ALG1L2: variants seen among roughly 807,000 people sequenced by gnomAD.
ALG1L2 encodes putative glycosyltransferase ALG1L2.
ALG1L2 carries 32 observed loss-of-function variants against 29.0 expected under a neutral mutation model. The ratio of observed to expected loss-of-function variants is 1.10; its 90% CI spans 0.83 to 1.48. The LOEUF (loss-of-function observed/expected upper bound fraction) is 1.48, where lower values mean the gene tolerates loss of function less well. ALG1L2 is among the 40% of genes most tolerant of loss of function. The pLI is 0.00. For missense variants in ALG1L2, 318 were observed against 274.1 expected (o/e 1.16, Z -1.13); for synonymous variants, 110 against 109.5 (o/e 1.00, Z -0.03).
intron 1 of ALG1L2, among the ~76,000 whole-genome samples, chr3:130,082,853 G>A (rs1337344524): frequency 6.9e-6 from 1 of 145,462 alleles, no homozygotes; most frequent in African/African-American, 2.4e-5. Context: ...TGTCCACAAC[G>A]GAGTCTGCAA....
At position 130,094,387 on chromosome 3, in the gene ALG1L2, G is replaced by C. The variant is rs1327214430; in HGVS notation, c.314-16G>C. Reference sequence around the variant, plus strand: ...CAGAGACGGGTTCATGGCAGTGTCTGCTCTTCTCTGTGAAGGCAAAGGGCC... The same window carrying C: ...CAGAGACGGGTTCATGGCAGTGTCTCCTCTTCTCTGTGAAGGCAAAGGGCC... On this transcript the variant is annotated splice_polypyrimidine_tract_variant and intron_variant, in intron 4 of 7. Transcript: ENST00000425059. 3 of 1,591,082 alleles carry C rather than the reference G, an allele frequency of 1.9e-6. No homozygotes were observed. The highest frequency in any genetic ancestry group is 2.7e-5 in the African/African-American group (2 of 74,756).
chr3:130,097,351 G>A, intron 7 of ALG1L2, 101 bp downstream of exon 7: 4 of 1,497,502 alleles, frequency 2.7e-6, no homozygotes. Flanking sequence ...GTGGGACCAT[G>A]CGGGGTCTGG....
chr3:130,095,667 C>A (rs1305907802), intron 5 of ALG1L2, among the ~76,000 whole-genome samples: 1 of 151,630 alleles, frequency 6.6e-6, no homozygotes, highest in Non-Finnish European at 1.5e-5. Flanking sequence ...GTCTTGAACT[C>A]CTGACCTCAG....
chr3:130,093,327 G>T (rs754003754), intron 4 of ALG1L2, among the ~76,000 whole-genome samples, 167 bp downstream of exon 4: 3 of 152,008 alleles, frequency 2.0e-5, no homozygotes, highest in Admixed American at 6.6e-5. Flanking sequence ...AGGCTCAGAG[G>T]GTTTCACAGC....
rs185430138 is a variant in ALG1L2 at position 130,094,821 on chromosome 3, G to A, written c.424+308G>A. 9.3e-3 allele frequency among the ~76,000 whole-genome samples: 1,422 copies of A among 152,358 alleles called. 16 individuals are homozygous for A. Among genetic ancestry groups the A allele is most frequent in the African/African-American group, 0.032 (1,332 of 41,588 alleles). On this transcript the variant is annotated intron_variant, in intron 5 of 7. Coordinates refer to ENST00000425059, the MANE Select transcript of ALG1L2 (RefSeq NM_001136152.1). ...TGGGGTTGGGGCCACTGTTGCCCAG[G>A]TGTGGGAGGGCAGTGGCTTTGGGAG...
chr3:130,096,634 C>T (rs1234534158), intron 6 of ALG1L2, among the ~76,000 whole-genome samples: 3 of 152,124 alleles, frequency 2.0e-5, no homozygotes, highest in Admixed American at 6.6e-5. Flanking sequence ...CCTCACTCCA[C>T]CCAGCATAGA....
Position 130,091,260 on chromosome 3 carries a change from G to C in ALG1L2, c.21-1G>C. On this transcript the variant is annotated splice_acceptor_variant, in intron 1 of 7. Transcript: ENST00000425059. LOFTEE classifies it high-confidence loss of function. ...ATAGCCCTGCCATGATTTCATTGCA[G>C]GGCTGTGACCGTCTACGACAAGCCG... The C allele has an allele frequency of 6.3e-7, 1 of 1,598,892 alleles. No homozygotes were observed. Among genetic ancestry groups the C allele is most frequent in the Non-Finnish European group, 8.5e-7 (1 of 1,179,434 alleles).
intron 3 of ALG1L2, 71 bp downstream of exon 3, chr3:130,092,293 C>A (rs549656033): frequency 1.9e-5 from 30 of 1,585,264 alleles, no homozygotes; most frequent in Non-Finnish European, 2.6e-5. Flanking sequence ...CTCCTCACCC[C>A]TGCCAGTCCT....
intron 3 of ALG1L2, 73 bp from the exon 4 acceptor site, chr3:130,093,027 CA>C: frequency 2.0e-6 from 2 of 1,000,114 alleles, no homozygotes; most frequent in Non-Finnish European, 2.6e-6. Flanking sequence ...GAGAGTCTGT[CA>C]GAAAAAAAAA....
chr3:130,095,948 A>T (rs537589382), intron 5 of ALG1L2, 101 bp from the exon 6 acceptor site: 4 of 1,322,202 alleles, frequency 3.0e-6, no homozygotes, highest in Admixed American at 4.0e-5. Context: ...GGCCTTATCC[A>T]ATTTTCACTC....
At chr3:130,087,204 C>T (rs1934910588) in intron 1 of ALG1L2, among the ~76,000 whole-genome samples, 1 of 150,260 alleles carries the variant, frequency 6.7e-6, no homozygotes, top group Non-Finnish European at 1.5e-5. Context: ...ACATGTCCCT[C>T]CTGATGCAAT....
rs752546314 is a variant in ALG1L2, at chr3:130,096,053, G to A, written c.429G>A (p.Ser143=). The A allele has an allele frequency of 5.0e-6, 8 of 1,609,416 alleles. No individual in the cohort carries two copies. The highest frequency in any genetic ancestry group is 1.7e-5 in the Admixed American group (1 of 59,570). ...CACACCCCTCTTGCCTAGCAGGGTC[G>A]GTGGACCTGGATGTCTGTCTGGACA... ...EGRGLPPLLG[S]VDLDVCLDTS... The change falls in exon 6 of 8, where the codon TCG becomes TCA. Residue 143 remains serine, a synonymous_variant. Coordinates refer to ENST00000425059, the MANE Select transcript of ALG1L2 (RefSeq NM_001136152.1).
chr3:130,096,426 T>C (rs533048469), intron 6 of ALG1L2, among the ~76,000 whole-genome samples: 247 of 134,378 alleles, frequency 1.8e-3, no homozygotes, highest in African/African-American at 6.2e-3. Context: ...GCAATTACTT[T>C]TGCACCAACC....
chr3:130,097,013 C>A (rs1935153262), intron 6 of ALG1L2, among the ~76,000 whole-genome samples, 162 bp from the exon 7 acceptor site: 1 of 152,144 alleles, frequency 6.6e-6, no homozygotes, highest in East Asian at 1.9e-4. Context: ...GGCTTTTATA[C>A]CCTTCAGATG....
rs375231219 is a variant in ALG1L2 at position 130,097,131 on chromosome 3, G to A, written c.540-44G>A. ...CAGCTGGGCACCCCAGGGGTCTAGT[G>A]TCTTCTCCAGGAAACTCTCGGGCTC... On this transcript the variant is annotated intron_variant, in intron 6 of 7. Coordinates refer to ENST00000425059, the MANE Select transcript of ALG1L2 (RefSeq NM_001136152.1). 93 of 1,608,800 alleles carry A rather than the reference G, an allele frequency of 5.8e-5. No individual in the cohort carries two copies. In the African/African-American group the frequency reaches 1.1e-3, roughly 19 times the overall value.
intron 1 of ALG1L2, among the ~76,000 whole-genome samples, chr3:130,085,143 T>G (rs1934864156): frequency 7.7e-6 from 1 of 129,306 alleles, no homozygotes. Flanking sequence ...GTATTTTTAG[T>G]AGAGACAGGT....
Position 130,091,295 on chromosome 3 carries a change from T to C in ALG1L2, c.55T>C (p.Phe19Leu). Residue 19 changes from phenylalanine (F) to leucine (L), a missense_variant, in exon 2 of 8, where the codon TTT becomes CTT. Physicochemically the swap from Phe to Leu is conservative, Grantham distance 22 (BLOSUM62 0). Coordinates refer to ENST00000425059, the MANE Select transcript of ALG1L2 (RefSeq NM_001136152.1). ...CGTCTACGACAAGCCGGCATCTTTC[T>C]TTAAAGAGGCACCTCTGGACCTGCA... is the stretch of plus-strand genomic sequence containing the variant. ...VTVYDKPASF[F>L]KEAPLDLQHR... 1 of 1,599,384 alleles carries C rather than the reference T, an allele frequency of 6.3e-7. No individual in the cohort carries two copies.
chr3:130,086,749 A>T (rs1249484267), intron 1 of ALG1L2, among the ~76,000 whole-genome samples: 2 of 139,912 alleles, frequency 1.4e-5, no homozygotes, highest in Admixed American at 1.5e-4. Flanking sequence ...GCTCTGTTTT[A>T]GATGAAGGAT....
At chr3:130,086,975 G>T (rs1181562368) in intron 1 of ALG1L2, among the ~76,000 whole-genome samples, 3 of 151,312 alleles carry the variant, frequency 2.0e-5, no homozygotes, top group Non-Finnish European at 4.4e-5. Flanking sequence ...CAAAGCTCCA[G>T]GTTCCAGAAC....
Sources: gnomAD v4.1 joint callset for allele counts (sites outside exome capture counted in the v4.1 genomes callset) on GRCh38, gnomAD v4.1.1 for gene constraint, MANE v1.5 for transcripts, NCBI Gene and HGNC (gene_info 2026-07-23, HGNC 2026-07-21) for gene names.